CEP170: variants seen among roughly 807,000 people sequenced by gnomAD.
CEP170 encodes the protein centrosomal protein of 170 kDa.
A neutral mutation model predicts 151.9 loss-of-function variants in CEP170; 21 were observed. That is an observed-to-expected ratio of 0.14 (90% confidence interval 0.10 to 0.20). CEP170 has a LOEUF of 0.20. Among genes scored for constraint, CEP170 ranks in the 10% least tolerant of loss-of-function variants. The pLI is 1.00. For synonymous variants in CEP170, 356 were observed against 648.8 expected, an observed-to-expected ratio of 0.55 and a Z score of 6.86; for missense variants, 964 against 1,892.9, an observed-to-expected ratio of 0.51 and a Z score of 9.11.
chr1:243,131,909 T>C (rs1483333074), intron 17 of CEP170, among the ~76,000 whole-genome samples: 1 of 152,358 alleles, frequency 6.6e-6, no homozygotes. Context: ...CAGGCTCCTA[T>C]TCTATGAGCC....
intron 2 of CEP170, among the ~76,000 whole-genome samples, chr1:243,224,288 C>G (rs376713456): frequency 8.5e-5 from 13 of 152,090 alleles, no homozygotes; most frequent in African/African-American, 3.1e-4. Context: ...CAATTTTGAC[C>G]AGGCCCTTTT....
chr1:243,193,687 T>C (rs2060460365), intron 7 of CEP170, among the ~76,000 whole-genome samples: 1 of 151,884 alleles, frequency 6.6e-6, no homozygotes, highest in Non-Finnish European at 1.5e-5. Context: ...CCTAACCAGG[T>C]CAAGTAGCAC....
Position 243,126,227 on chromosome 1 carries a change from C to A in CEP170, c.*222G>T, listed in dbSNP as rs1308991938. The A allele has an allele frequency of 1.5e-6, 1 of 655,092 alleles. No homozygotes were observed. The highest frequency in any genetic ancestry group is 2.4e-4 in the Middle Eastern group (1 of 4,092). 40.6% of individuals were successfully genotyped at this position (655,092 alleles called of 1,614,324 possible). On this transcript the variant is annotated 3_prime_UTR_variant, in exon 20 of 20. Coordinates refer to ENST00000366542, the MANE Select transcript of CEP170 (RefSeq NM_014812.3). ...AAAACCACAAAAGGCGACACTGCCA[C>A]AATCTGCTTTTTCCTATTTGTGCAT...
At position 243,191,322 on chromosome 1, in the gene CEP170, T is replaced by C. The variant is rs527248249; in HGVS notation, c.804A>G (p.Pro268=). ...TIHEIPTKDT[P]SSHITGAGHA... ...GCCCTGCACCTGTTATATGGGAACT[T>C]GGCGTGTCTTTTGTTGGGATTTCAT... The change falls in exon 8 of 20, where the codon CCA becomes CCG. Residue 268 remains proline, a synonymous_variant. Transcript: ENST00000366542. The C allele has an allele frequency of 6.2e-7, 1 of 1,613,426 alleles. No individual in the cohort carries two copies. The highest frequency in any genetic ancestry group is 2.2e-5 in the East Asian group (1 of 44,878).
chr1:243,220,490 T>C (rs1392387540), intron 3 of CEP170, among the ~76,000 whole-genome samples: 1 of 151,992 alleles, frequency 6.6e-6, no homozygotes, highest in Non-Finnish European at 1.5e-5. Flanking sequence ...CTACAAAAAA[T>C]TTGTATTTAT....
chr1:243,210,077 A>T (rs1215325664), intron 4 of CEP170, among the ~76,000 whole-genome samples: 4 of 152,190 alleles, frequency 2.6e-5, no homozygotes, highest in African/African-American at 9.7e-5. Context: ...CTAAGTGCAC[A>T]ACTCTGAGAA....
intron 1 of CEP170, among the ~76,000 whole-genome samples, chr1:243,251,578 A>G (rs183005304): frequency 6.6e-6 from 1 of 152,296 alleles, no homozygotes; most frequent in Non-Finnish European, 1.5e-5. Context: ...CACCTAGGAA[A>G]TGTTCAAAAT....
chr1:243,128,412 G>A (rs1572104118), intron 18 of CEP170, 112 bp from the exon 19 acceptor site: 2 of 766,090 alleles, frequency 2.6e-6, no homozygotes, highest in African/African-American at 1.9e-5. Flanking sequence ...TATCTACATG[G>A]TACTTACTAC....
At chr1:243,204,620 T>C (rs974088660) in intron 4 of CEP170, among the ~76,000 whole-genome samples, 1 of 152,166 alleles carries the variant, frequency 6.6e-6, no homozygotes, top group African/African-American at 2.4e-5. Context: ...TCCTAGCACA[T>C]TAGTGGTTTC....
chr1:243,221,597 A>G, intron 3 of CEP170, 127 bp downstream of exon 3: 1 of 921,800 alleles, frequency 1.1e-6, no homozygotes, highest in Non-Finnish European at 1.6e-6. Flanking sequence ...TATGTACCTG[A>G]TAAGCATTTG....
chr1:243,254,256 G>C (rs1218988861), intron 1 of CEP170: 1 of 151,982 alleles, frequency 6.6e-6, no homozygotes, highest in East Asian at 1.9e-4. Flanking sequence ...GAGATTCTGT[G>C]ACTTAGTATA....
chr1:243,177,430 G>A (rs185177587), intron 10 of CEP170, among the ~76,000 whole-genome samples: 1 of 152,292 alleles, frequency 6.6e-6, no homozygotes, highest in East Asian at 1.9e-4. Context: ...CTGAAAAACA[G>A]TATTGCATTA....
At chr1:243,148,327 T>C (rs1001993217) in intron 14 of CEP170, among the ~76,000 whole-genome samples, 1 of 151,990 alleles carries the variant, frequency 6.6e-6, no homozygotes, top group African/African-American at 2.4e-5. Context: ...TCCTAGCACT[T>C]TGGGAGGCCG....
At chr1:243,187,102 A>G (rs969698046) in intron 8 of CEP170, among the ~76,000 whole-genome samples, 8 of 152,222 alleles carry the variant, frequency 5.3e-5, no homozygotes, top group African/African-American at 1.9e-4. Flanking sequence ...GAGGTCTATC[A>G]ATGCAAAGGG....
intron 1 of CEP170, among the ~76,000 whole-genome samples, chr1:243,244,678 C>A (rs368977952): frequency 6.6e-6 from 1 of 151,962 alleles, no homozygotes; most frequent in East Asian, 1.9e-4. Flanking sequence ...CCCACGAGAT[C>A]GAGGCTGCAG....
At chr1:243,148,876 G>A (rs2056795335) in intron 14 of CEP170, among the ~76,000 whole-genome samples, 1 of 152,008 alleles carries the variant, frequency 6.6e-6, no homozygotes. Flanking sequence ...AAAAAATTTG[G>A]CAAACCCCAT....
In CEP170 at chr1:243,156,379, G is replaced by A. The variant is rs373571235; in HGVS notation, c.3753C>T (p.Ser1251=). The part of the protein sequence containing the change: ...SEDEFGSNRN[S]PKHTRLRTSP... ...AAGTACGTAGACGGGTATGTTTAGG[G>A]GAATTACGGTTTGATCCAAATTCAT... The change falls in exon 14 of 20, where the codon TCC becomes TCT. Residue 1251 remains serine, a synonymous_variant. Coordinates refer to ENST00000366542, the MANE Select transcript of CEP170 (RefSeq NM_014812.3). The A allele has an allele frequency of 6.4e-7, 1 of 1,562,636 alleles. No individual in the cohort carries two copies. The highest frequency in any genetic ancestry group is 8.7e-7 in the Non-Finnish European group (1 of 1,153,480).
chr1:243,182,930 A>G (rs902941149), intron 10 of CEP170, among the ~76,000 whole-genome samples: 64 of 152,176 alleles, frequency 4.2e-4, no homozygotes, highest in African/African-American at 1.5e-3. Flanking sequence ...AGCAGTAATA[A>G]AGCTTATGAT....
intron 1 of CEP170, among the ~76,000 whole-genome samples, chr1:243,234,127 C>T (rs1052710767): frequency 2.0e-5 from 3 of 152,184 alleles, no homozygotes; most frequent in Admixed American, 2.0e-4. Flanking sequence ...CCTCTCACCC[C>T]ACAACTCCTG....
Sources: allele counts gnomAD v4.1 joint callset (sites outside exome capture counted in the v4.1 genomes callset), GRCh38; gene constraint gnomAD v4.1.1; transcripts MANE v1.5; gene names NCBI Gene and HGNC (gene_info 2026-07-23, HGNC 2026-07-21).